FAM184B: variants seen among roughly 807,000 people sequenced by gnomAD.
FAM184B encodes the protein family with sequence similarity 184 member B, also known as protein FAM184B.
In FAM184B, 111 loss-of-function variants were observed where a neutral mutation model predicts 135.9. The observed-to-expected ratio is 0.82, with a 90% CI of 0.70 to 0.96. FAM184B has a LOEUF of 0.96. Ranked by LOEUF, FAM184B falls within the 40% of genes least tolerant of loss-of-function variation. FAM184B has a pLI of 0.00. For synonymous variants in FAM184B, 552 were observed against 524.8 expected (o/e 1.05, Z -0.71); for missense variants, 1,375 against 1,323.9 (o/e 1.04, Z -0.60).
At chr4:17,663,712 C>A (rs1167785159) in intron 8 of FAM184B, among the ~76,000 whole-genome samples, 2 of 152,006 alleles carry the variant, frequency 1.3e-5, no homozygotes, top group Non-Finnish European at 2.9e-5. Context: ...GTAAGTCCTG[C>A]TGATATGGTT....
chr4:17,763,846 G>A (rs1056627483), intron 1 of FAM184B, among the ~76,000 whole-genome samples: 3 of 152,154 alleles, frequency 2.0e-5, no homozygotes, highest in Non-Finnish European at 4.4e-5. Context: ...GCTTTTTCAA[G>A]GGCAGACCAC....
At chr4:17,677,021 C>T (rs543079240) in intron 7 of FAM184B, among the ~76,000 whole-genome samples, 11 of 152,158 alleles carry the variant, frequency 7.2e-5, no homozygotes, top group African/African-American at 1.9e-4. Flanking sequence ...TGAACTTGAC[C>T]GTGGGGATCA....
At chr4:17,732,100 A>T (rs1202766449) in intron 1 of FAM184B, among the ~76,000 whole-genome samples, 2 of 152,252 alleles carry the variant, frequency 1.3e-5, no homozygotes, top group African/African-American at 4.8e-5. Context: ...GTACATAACG[A>T]AATGAAGGCA....
chr4:17,778,639 C>T (rs1316964862), intron 1 of FAM184B, among the ~76,000 whole-genome samples: 3 of 152,118 alleles, frequency 2.0e-5, no homozygotes, highest in African/African-American at 4.8e-5. Context: ...TTGCTTGAAG[C>T]CAGGAGTTCG....
chr4:17,674,243 C>T (rs951434328), intron 7 of FAM184B, among the ~76,000 whole-genome samples: 3 of 152,064 alleles, frequency 2.0e-5, no homozygotes, highest in African/African-American at 2.4e-5. Context: ...GGTTCAGTTC[C>T]AGACTACCAC....
chr4:17,705,220 A>G lies in FAM184B; in HGVS notation c.1171-14T>C. On this transcript the variant is annotated splice_polypyrimidine_tract_variant and intron_variant, in intron 4 of 17. Coordinates refer to ENST00000265018, the MANE Select transcript of FAM184B (RefSeq NM_015688.2). ...CTCTTTCTTGGTCTATAAAAAGAAA[A>G]AGGACCTTGTAAAACCACTGGGGAG... is the stretch of plus-strand genomic sequence containing the variant. The G allele has an allele frequency of 6.5e-7, 1 of 1,548,098 alleles. No homozygotes were observed. The highest frequency in any genetic ancestry group is 8.7e-7 in the Non-Finnish European group (1 of 1,145,228).
Position 17,781,078 on chromosome 4 carries a change from TCCCGG to T in FAM184B, c.141+76_141+80del. 1 of 1,419,192 alleles carries T rather than the reference TCCCGG, an allele frequency of 7.0e-7. No homozygotes were observed. Among genetic ancestry groups the T allele is most frequent in the Non-Finnish European group, 9.3e-7 (1 of 1,080,766 alleles). The allele number at this position is 1,419,192 out of a possible 1,614,324, so 87.9% of individuals were successfully genotyped here. A position where few individuals can be genotyped will look rare whatever the true frequency, so the allele number is the denominator to read the frequency against. On this transcript the variant is annotated intron_variant, in intron 1 of 17. Transcript: ENST00000265018. This position sits in a 1 kb window ranked among gnomAD's most constrained non-coding sequence, Gnocchi z 6.5. ...TTTCTGTCTGGATTTGGCCCGGGCCTCCCGGGAGGCGCATCCGCACTGACTCCCGG... is the reference window on the plus strand; with the variant it reads ...TTTCTGTCTGGATTTGGCCCGGGCCTGAGGCGCATCCGCACTGACTCCCGG...
At chr4:17,680,192 T>G (rs920841123) in intron 7 of FAM184B, among the ~76,000 whole-genome samples, 1 of 152,210 alleles carries the variant, frequency 6.6e-6, no homozygotes, top group African/African-American at 2.4e-5. Context: ...CCACAATGTA[T>G]AGATATTTCA....
chr4:17,714,053 T>C (rs1717352538), intron 1 of FAM184B, among the ~76,000 whole-genome samples: 1 of 152,144 alleles, frequency 6.6e-6, no homozygotes, highest in Non-Finnish European at 1.5e-5. Flanking sequence ...CTTTTCCATG[T>C]CAAGCTGCAC....
At chr4:17,642,659 C>A (rs753383071) in intron 12 of FAM184B, among the ~76,000 whole-genome samples, 4 of 152,214 alleles carry the variant, frequency 2.6e-5, no homozygotes, top group Non-Finnish European at 5.9e-5. Context: ...CTTGCTAACT[C>A]TGGCTCTGTA....
rs534687453 is a variant in FAM184B at position 17,773,145 on chromosome 4, G to T, written c.141+8014C>A. 2.6e-5 allele frequency among the ~76,000 whole-genome samples: 4 copies of T among 152,326 alleles called. No individual in the cohort carries two copies. The South Asian group carries it at 8.3e-4, about 32-fold the overall frequency. On this transcript the variant is annotated intron_variant, in intron 1 of 17. Coordinates refer to ENST00000265018, the MANE Select transcript of FAM184B (RefSeq NM_015688.2). Reference sequence around the variant, plus strand: ...TATATATTAATACGATGTTGGACAAGAATACTGACACCCTCCCGGGTCTCA... The same window carrying T: ...TATATATTAATACGATGTTGGACAATAATACTGACACCCTCCCGGGTCTCA...
chr4:17,654,536 G>T (rs866554891), intron 10 of FAM184B, among the ~76,000 whole-genome samples: 1 of 152,216 alleles, frequency 6.6e-6, no homozygotes, highest in Non-Finnish European at 1.5e-5. Context: ...GGCTAGAAAG[G>T]CAGGGAACCT....
intron 5 of FAM184B, among the ~76,000 whole-genome samples, chr4:17,695,732 G>A (rs1407830204): frequency 6.6e-6 from 1 of 152,130 alleles, no homozygotes; most frequent in Non-Finnish European, 1.5e-5. Context: ...AGACAGGAGT[G>A]GATTCAGGGA....
chr4:17,750,122 T>C (rs1215616427), intron 1 of FAM184B, among the ~76,000 whole-genome samples: 1 of 152,256 alleles, frequency 6.6e-6, no homozygotes, highest in Non-Finnish European at 1.5e-5. Context: ...AAGTGAAATT[T>C]GAGGATGAAA....
intron 6 of FAM184B, among the ~76,000 whole-genome samples, chr4:17,691,685 CAAAA>C (rs56857959): frequency 5.4e-4 from 50 of 92,514 alleles, no homozygotes; most frequent in Non-Finnish European, 7.0e-4. Context: ...GATTCCATCT[CAAAA>C]AAAAAAAAAA....
intron 1 of FAM184B, among the ~76,000 whole-genome samples, chr4:17,769,749 G>A (rs1718772444): frequency 6.6e-6 from 1 of 152,208 alleles, no homozygotes; most frequent in Admixed American, 6.5e-5. Context: ...AGAGCAATGG[G>A]AGGTCTAAGA....
At chr4:17,695,959 G>A (rs916013501) in intron 5 of FAM184B, among the ~76,000 whole-genome samples, 5 of 152,090 alleles carry the variant, frequency 3.3e-5, no homozygotes, top group African/African-American at 9.7e-5. Context: ...CCAAGCCCTC[G>A]GACACTCCAA....
intron 1 of FAM184B, among the ~76,000 whole-genome samples, chr4:17,768,991 C>A (rs572927846): frequency 1.3e-5 from 2 of 151,996 alleles, no homozygotes; most frequent in African/African-American, 2.4e-5. Flanking sequence ...TTAGTAGAGA[C>A]GGGGTTTCTC....
rs1414975222 is a variant in FAM184B, at chr4:17,636,779, G to A, written c.2667-134C>T. 1.3e-5 allele frequency: 9 copies of A among 708,368 alleles called. No homozygotes were observed. In the East Asian group the frequency reaches 2.1e-4, roughly 16 times the overall value. The allele number at this position is 708,368 out of a possible 1,614,324, so 43.9% of individuals were successfully genotyped here. A position where few individuals can be genotyped will look rare whatever the true frequency, so the allele number is the denominator to read the frequency against. ...GAGGCCCAGATAGCAGCAGCGGCTT[G>A]CCCAGGGCCCCCTGGGGAGATGGCT... On this transcript the variant is annotated intron_variant, in intron 14 of 17. Coordinates refer to ENST00000265018, the MANE Select transcript of FAM184B (RefSeq NM_015688.2).
Sources: allele counts gnomAD v4.1 joint callset (sites outside exome capture counted in the v4.1 genomes callset), GRCh38; gene constraint gnomAD v4.1.1; non-coding constraint Gnocchi (gnomAD v3.1); transcripts MANE v1.5; gene names NCBI Gene and HGNC (gene_info 2026-07-23, HGNC 2026-07-21).